CD163L1: variants seen among roughly 807,000 people sequenced by gnomAD.
The protein encoded by CD163L1 is scavenger receptor cysteine-rich type 1 protein M160.
A neutral mutation model predicts 165.4 loss-of-function variants in CD163L1; 124 were observed. The observed-to-expected ratio is 0.75, with a 90% CI of 0.65 to 0.87. The LOEUF (loss-of-function observed/expected upper bound fraction) is 0.87, where lower values mean the gene tolerates loss of function less well. Among genes scored for constraint, CD163L1 ranks in the 40% least tolerant of loss-of-function variants. The probability of loss-of-function intolerance (pLI) is 0.00; values close to 1 mark genes in which losing one functional copy is unlikely to be tolerated. For missense variants in CD163L1, 1,525 were observed against 1,799.9 expected, an observed-to-expected ratio of 0.85 and a Z score of 2.76; for synonymous variants, 585 against 662.2, an observed-to-expected ratio of 0.88 and a Z score of 1.79.
intron 9 of CD163L1, among the ~76,000 whole-genome samples, chr12:7,377,934 T>G (rs1425785588): frequency 1.3e-5 from 2 of 152,242 alleles, no homozygotes; most frequent in Non-Finnish European, 2.9e-5. Flanking sequence ...AGGACTCTAA[T>G]AGTTATATCT....
In CD163L1 at chr12:7,421,473, A is replaced by G. The variant is rs1267072480; in HGVS notation, c.766+10943T>C. ...TATATGTACATATATACATATATAT[A>G]CATATATGTACATATATACATATAT... On this transcript the variant is annotated intron_variant, in intron 4 of 19. Transcript: ENST00000313599. 1.0e-4 allele frequency among the ~76,000 whole-genome samples: 11 copies of G among 108,716 alleles called. No individual in the cohort carries two copies. The East Asian group carries it at 3.3e-3, about 32-fold the overall frequency. 71.3% of individuals were successfully genotyped at this position (108,716 alleles called of 152,430 possible).
rs183866421 is a variant in CD163L1, at chr12:7,418,899, C to G, written c.767-12047G>C. Among the ~76,000 whole-genome samples, 3 of 151,708 alleles carry G rather than the reference C, an allele frequency of 2.0e-5. No individual in the cohort carries two copies. The East Asian group carries it at 5.8e-4, about 29-fold the overall frequency. On this transcript the variant is annotated intron_variant, in intron 4 of 19. Transcript: ENST00000313599. ...AAATGGTAATTTTTAAAAATGAGAA[C>G]AAAAAAAGTCCAGAACCAGATGGAT...
chr12:7,325,861 A>G, the CD163L1 span, among the ~76,000 whole-genome samples: 1 of 152,170 alleles, frequency 6.6e-6, no homozygotes, highest in Non-Finnish European at 1.5e-5. Flanking sequence ...ATCGTTCCAC[A>G]TCTGTACCTC....
intron 7 of CD163L1, among the ~76,000 whole-genome samples, chr12:7,397,721 G>A (rs1244931049): frequency 1.3e-5 from 2 of 152,116 alleles, no homozygotes; most frequent in Non-Finnish European, 1.5e-5. Context: ...AGTCCCAGCA[G>A]GCTCCAAAAT....
At chr12:7,349,070 C>T (rs1946690760) in intron 4 of CD163L1, among the ~76,000 whole-genome samples, 1 of 151,926 alleles carries the variant, frequency 6.6e-6, no homozygotes, top group African/African-American at 2.4e-5. Context: ...GGACTTGATT[C>T]TGAGTTGAGA....
chr12:7,334,117 G>T, the CD163L1 span, among the ~76,000 whole-genome samples: 1 of 150,026 alleles, frequency 6.7e-6, no homozygotes, highest in Non-Finnish European at 1.5e-5. Context: ...AGAAAAAGAG[G>T]GAATCCTCCC....
At chr12:7,340,614 T>C in the CD163L1 span, among the ~76,000 whole-genome samples, 2 of 152,176 alleles carry the variant, frequency 1.3e-5, no homozygotes, top group Non-Finnish European at 2.9e-5. Context: ...GACTGTTGTT[T>C]GCCCTTAGAA....
At chr12:7,421,365 ATG>A (rs1948383423) in intron 4 of CD163L1, among the ~76,000 whole-genome samples, 1 of 116,766 alleles carries the variant, frequency 8.6e-6, no homozygotes, top group African/African-American at 3.3e-5. Context: ...ATGTGTATAT[ATG>A]TATATATACA....
In CD163L1 at chr12:7,378,041, C is replaced by T. The variant is rs758897988; in HGVS notation, c.2371+937G>A. Among the ~76,000 whole-genome samples, 321 of 152,282 alleles carry T rather than the reference C, an allele frequency of 2.1e-3. 2 individuals carry two copies. The highest frequency in any genetic ancestry group is 5.4e-3 in the African/African-American group (226 of 41,548). On this transcript the variant is annotated intron_variant, in intron 9 of 19. Coordinates refer to ENST00000313599, the MANE Select transcript of CD163L1 (RefSeq NM_174941.6). The stretch of plus-strand genomic sequence containing the variant: ...TGCTTTACTATTACCTCATATTTCA[C>T]ACATACAAAATTGGACTCATCATCC...
chr12:7,332,290 A>C, the CD163L1 span, among the ~76,000 whole-genome samples: 1 of 152,216 alleles, frequency 6.6e-6, no homozygotes, highest in African/African-American at 2.4e-5. Context: ...ATGTGAAAAG[A>C]CCAAATCTAC....
chr12:7,331,391 C>T, the CD163L1 span, among the ~76,000 whole-genome samples: 14 of 152,358 alleles, frequency 9.2e-5, 1 homozygote, highest in East Asian at 2.5e-3. Context: ...GCAGCAATAA[C>T]CTCTGCAGAC....
chr12:7,322,347 T>C, the CD163L1 span: 1 of 1,595,894 alleles, frequency 6.3e-7, no homozygotes, highest in Non-Finnish European at 8.6e-7. Context: ...ACTGCTTGAA[T>C]GTCCTAATTG....
chr12:7,425,602 C>T (rs550104097), intron 4 of CD163L1, among the ~76,000 whole-genome samples: 1 of 151,960 alleles, frequency 6.6e-6, no homozygotes, highest in Non-Finnish European at 1.5e-5. Context: ...GGCTAATATC[C>T]AGAATCTATA....
intron 7 of CD163L1, among the ~76,000 whole-genome samples, chr12:7,397,376 A>G (rs1450673073): frequency 6.6e-6 from 1 of 152,226 alleles, no homozygotes. Flanking sequence ...TTATAGCCAC[A>G]GAACTGAGAT....
chr12:7,394,522 C>T lies in CD163L1; in HGVS notation c.2050+1573G>A, dbSNP rs777603652. Among the ~76,000 whole-genome samples the T allele has an allele frequency of 2.0e-5, 3 of 152,290 alleles. No homozygotes were observed. The South Asian group carries it at 6.2e-4, about 32-fold the overall frequency. ...AAAACCTAGGCAATACCATTCAGGA[C>T]ATAAGCATGGGCAAGGACTTCATGA... is the stretch of plus-strand genomic sequence containing the variant. On this transcript the variant is annotated intron_variant, in intron 8 of 19. Transcript: ENST00000313599.
At chr12:7,436,103 G>A (rs1165545768) in intron 2 of CD163L1, among the ~76,000 whole-genome samples, 2 of 152,108 alleles carry the variant, frequency 1.3e-5, no homozygotes, top group East Asian at 3.9e-4. Context: ...TATCTCTGGT[G>A]GGGTTGGAAG....
the CD163L1 span, chr12:7,326,998 T>C: frequency 1.2e-6 from 2 of 1,611,314 alleles, no homozygotes; most frequent in Admixed American, 3.4e-5. Context: ...TTTGTTGTCT[T>C]AGCTGCACCC....
the CD163L1 span, among the ~76,000 whole-genome samples, chr12:7,319,569 G>A: frequency 7.0e-6 from 1 of 143,592 alleles, no homozygotes; most frequent in Non-Finnish European, 1.5e-5. Context: ...CAGCCTGGGT[G>A]ACAGAGCAAG....
Position 7,444,137 on chromosome 12 carries a change from A to G in CD163L1, c.-10T>C, listed in dbSNP as rs374666054. 28 of 1,613,708 alleles carry G rather than the reference A, an allele frequency of 1.7e-5. No homozygotes were observed. The highest frequency in any genetic ancestry group is 1.7e-4 in the Middle Eastern group (1 of 6,060). ...TTTGAGGCAGCATCATTATGGGTCT[A>G]TCTCTTCCTGAGTCCTGATGTAACT... On this transcript the variant is annotated 5_prime_UTR_variant, in exon 1 of 20. Coordinates refer to ENST00000313599, the MANE Select transcript of CD163L1 (RefSeq NM_174941.6).
Sources: allele counts gnomAD v4.1 joint callset (sites outside exome capture counted in the v4.1 genomes callset), GRCh38; gene constraint gnomAD v4.1.1; transcripts MANE v1.5; gene names NCBI Gene and HGNC (gene_info 2026-07-23, HGNC 2026-07-21).